The following MDGA2 variants were observed in gnomAD, a reference collection of about 807,000 sequenced individuals.
MDGA2 encodes the protein MAM domain-containing glycosylphosphatidylinositol anchor protein 2.
In MDGA2, 40 loss-of-function variants were observed where a neutral mutation model predicts 117.8. That is an observed-to-expected ratio of 0.34 (90% CI 0.26 to 0.44). The LOEUF (loss-of-function observed/expected upper bound fraction) is 0.44. MDGA2 is among the 20% of genes least tolerant of loss of function. The pLI is 1.00. For missense variants in MDGA2, 1,123 were observed against 1,250.6 expected (o/e 0.90, Z 1.54); for synonymous variants, 452 against 439.0 (o/e 1.03, Z -0.37).
intron 6 of MDGA2, among the ~76,000 whole-genome samples, chr14:47,089,429 G>A (rs953996808): frequency 3.9e-5 from 6 of 152,000 alleles, no homozygotes; most frequent in Non-Finnish European, 5.9e-5. Context: ...AGGCTGGAGT[G>A]CAGTAGGGTG....
chr14:47,249,244 C>G (rs1887363275), intron 2 of MDGA2, among the ~76,000 whole-genome samples: 1 of 151,906 alleles, frequency 6.6e-6, no homozygotes, highest in African/African-American at 2.4e-5. Flanking sequence ...GTCTCGATCT[C>G]TTGACCTCGT....
chr14:47,600,488 T>G (rs1896628090), intron 1 of MDGA2, among the ~76,000 whole-genome samples: 1 of 152,128 alleles, frequency 6.6e-6, no homozygotes, highest in South Asian at 2.1e-4. Context: ...AGTCTAATAC[T>G]TGACCTAATT....
chr14:47,549,495 T>A (rs1895538436), intron 1 of MDGA2, among the ~76,000 whole-genome samples: 1 of 152,122 alleles, frequency 6.6e-6, no homozygotes, highest in African/African-American at 2.4e-5. Flanking sequence ...TATCAGACTT[T>A]TCCTTTGGCT....
chr14:47,351,347 G>C (rs1328153375), intron 1 of MDGA2, among the ~76,000 whole-genome samples: 1 of 152,098 alleles, frequency 6.6e-6, no homozygotes, highest in Non-Finnish European at 1.5e-5. Flanking sequence ...CGCCCAAAGT[G>C]CTGGGATTAC....
intron 8 of MDGA2, among the ~76,000 whole-genome samples, chr14:47,033,949 T>A (rs568339210): frequency 6.6e-6 from 1 of 152,192 alleles, no homozygotes; most frequent in Non-Finnish European, 1.5e-5. Flanking sequence ...AATATAAAAA[T>A]AGACATTCTT....
chr14:47,283,946 C>T (rs908556764), intron 2 of MDGA2, among the ~76,000 whole-genome samples: 4 of 152,180 alleles, frequency 2.6e-5, no homozygotes, highest in South Asian at 4.1e-4. Context: ...AAAAAGGGGA[C>T]AAAGTGTATA....
intron 1 of MDGA2, among the ~76,000 whole-genome samples, chr14:47,646,495 G>T (rs1897537890): frequency 6.6e-6 from 1 of 152,040 alleles, no homozygotes; most frequent in Admixed American, 6.6e-5. Context: ...TTCTTCTCGG[G>T]TCTGGATCCT....
At chr14:47,118,011 T>G (rs949025180) in intron 5 of MDGA2, among the ~76,000 whole-genome samples, 25 of 152,198 alleles carry the variant, frequency 1.6e-4, no homozygotes, top group African/African-American at 5.5e-4. Context: ...TAGAAGCCAA[T>G]TTACTGAACT....
intron 1 of MDGA2, among the ~76,000 whole-genome samples, chr14:47,316,940 T>C (rs1566735726): frequency 6.6e-6 from 1 of 152,148 alleles, no homozygotes; most frequent in Non-Finnish European, 1.5e-5. Flanking sequence ...ATTCCAGAGC[T>C]ATTTTGACAT....
At chr14:47,200,796 G>A (rs775991396) in intron 3 of MDGA2, 1 of 805,902 alleles carries the variant, frequency 1.2e-6, no homozygotes, top group African/African-American at 1.7e-5. Flanking sequence ...TTTCTTGCAG[G>A]CTTCAAACGC....
chr14:47,054,173 A>C (rs866544895), intron 7 of MDGA2, among the ~76,000 whole-genome samples: 5 of 152,032 alleles, frequency 3.3e-5, no homozygotes, highest in African/African-American at 1.2e-4. Flanking sequence ...CAATCTGCAG[A>C]ATGTTTTCTT....
intron 3 of MDGA2, among the ~76,000 whole-genome samples, chr14:47,195,177 C>T (rs887524595): frequency 6.6e-6 from 1 of 151,884 alleles, no homozygotes; most frequent in Non-Finnish European, 1.5e-5. Context: ...TTTTCATGTG[C>T]ACTTTACTTA....
At chr14:47,136,197 CTTTTT>C (rs34818512) in intron 4 of MDGA2, among the ~76,000 whole-genome samples, 5 of 131,034 alleles carry the variant, frequency 3.8e-5, no homozygotes, top group Admixed American at 7.8e-5. Flanking sequence ...TGTTTTCTCT[CTTTTT>C]TTTTTTTTTT....
intron 11 of MDGA2, among the ~76,000 whole-genome samples, chr14:46,881,068 C>T (rs1329114304): frequency 6.8e-6 from 1 of 147,726 alleles, no homozygotes; most frequent in Non-Finnish European, 1.5e-5. Flanking sequence ...TTAACATTAG[C>T]AATATGAAAA....
At chr14:47,641,392 T>C (rs8005227) in intron 1 of MDGA2, among the ~76,000 whole-genome samples, 10,229 of 152,064 alleles carry the variant, frequency 0.067, 1,136 homozygotes, top group African/African-American at 0.23. Context: ...TGAGTGTCTC[T>C]AGAGACATCT....
chr14:47,067,235 T>C (rs1201951255), intron 6 of MDGA2, among the ~76,000 whole-genome samples: 4 of 152,186 alleles, frequency 2.6e-5, no homozygotes, highest in Non-Finnish European at 5.9e-5. Context: ...AACATGCAAA[T>C]TGTCACATTA....
chr14:47,203,572 G>A (rs1566679188), intron 3 of MDGA2, among the ~76,000 whole-genome samples: 1 of 151,860 alleles, frequency 6.6e-6, no homozygotes, highest in Non-Finnish European at 1.5e-5. Context: ...TGGTGGTAGT[G>A]GAGTTTTGGT....
intron 3 of MDGA2, among the ~76,000 whole-genome samples, chr14:47,161,750 T>G (rs2139277964): frequency 6.6e-6 from 1 of 151,842 alleles, no homozygotes; most frequent in South Asian, 2.1e-4. Context: ...CTTAGAACAC[T>G]TTTTATTTCT....
At chr14:47,080,457 G>A (rs1291517718) in intron 6 of MDGA2, among the ~76,000 whole-genome samples, 1 of 151,980 alleles carries the variant, frequency 6.6e-6, no homozygotes, top group African/African-American at 2.4e-5. Context: ...AAATTATTTT[G>A]TTATTAATAA....
Sources: allele counts gnomAD v4.1 joint callset (sites outside exome capture counted in the v4.1 genomes callset), GRCh38; gene constraint gnomAD v4.1.1; transcripts MANE v1.5; gene names NCBI Gene and HGNC (gene_info 2026-07-23, HGNC 2026-07-21).